SMCR8: variants seen among roughly 807,000 people sequenced by gnomAD.
SMCR8 encodes the protein guanine nucleotide exchange protein SMCR8.
Under a neutral mutation model 56.6 loss-of-function variants are expected in SMCR8, and 30 were observed. That is an observed-to-expected ratio of 0.53 (90% CI 0.40 to 0.72). SMCR8 has a LOEUF of 0.72. Among genes scored for constraint, SMCR8 ranks in the 30% least tolerant of loss-of-function variants. SMCR8 has a pLI of 0.00. For missense variants in SMCR8, 1,198 were observed against 1,157.0 expected (o/e 1.04, Z -0.51); for synonymous variants, 538 against 456.0 (o/e 1.18, Z -2.29).
rs1567757484 is a variant in SMCR8 at position 18,316,055 on chromosome 17, A to T, written c.266A>T (p.Tyr89Phe). The change falls in exon 1 of 2, where the codon TAC becomes TTC. Residue 89 changes from tyrosine to phenylalanine, a missense_variant. By Grantham distance (22) the Tyr-to-Phe change is conservative. Transcript: ENST00000406438. ...GTTTTTGGCACTTTTGATCTCAATT[A>T]CTTCTCCCTGCGTATCATGTCTGTG... is the stretch of plus-strand genomic sequence containing the variant. ...TKVFGTFDLNYFSLRIMSVDY... is the reference protein window; with the variant it reads ...TKVFGTFDLNFFSLRIMSVDY... 6.2e-7 allele frequency: 1 copy of T among 1,614,086 alleles called. No individual in the cohort carries two copies. The highest frequency in any genetic ancestry group is 8.5e-7 in the Non-Finnish European group (1 of 1,180,020).
rs1982538476 is a variant in SMCR8 at position 18,322,760 on chromosome 17, C to T, written c.2504C>T (p.Thr835Ile). Residue 835 changes from threonine to isoleucine, a missense_variant, in exon 2 of 2, where the codon ACA becomes ATA. Coordinates refer to ENST00000406438, the MANE Select transcript of SMCR8 (RefSeq NM_144775.3). ...GTGCCCCGCCTGGCAGACCACCGCA[C>T]ACAGATCAAGCGGGGCAGCACCTAC... ...TLVPRLADHR[T>I]QIKRGSTYYL... 1 of 1,614,238 alleles carries T rather than the reference C, an allele frequency of 6.2e-7. No homozygotes were observed. The highest frequency in any genetic ancestry group is 8.5e-7 in the Non-Finnish European group (1 of 1,180,028).
chr17:18,315,351 G>C lies in SMCR8; in HGVS notation c.-439G>C, dbSNP rs1340169467. 6.2e-6 allele frequency: 1 copy of C among 161,360 alleles called. No individual in the cohort carries two copies. The highest frequency in any genetic ancestry group is 1.4e-5 in the Non-Finnish European group (1 of 73,418). 10.0% of individuals were successfully genotyped at this position (161,360 alleles called of 1,614,324 possible). A position where few individuals can be genotyped will look rare whatever the true frequency, so the allele number is the denominator to read the frequency against. ...GGATCCGGGTTGTGGCGTCCTAGGA[G>C]CCGCGACGGTTTCTGCCCTCGGGCA... On this transcript the variant is annotated 5_prime_UTR_variant, in exon 1 of 2. Coordinates refer to ENST00000406438, the MANE Select transcript of SMCR8 (RefSeq NM_144775.3).
Position 18,317,006 on chromosome 17 carries a change from G to A in SMCR8, c.1217G>A (p.Cys406Tyr). Reference protein sequence around the residue: ...DRPPSSSLEECPIPKVLISVG... With the variant: ...DRPPSSSLEEYPIPKVLISVG... ...CCGCCTTCCAGTTCTCTAGAAGAAT[G>A]CCCAATTCCTAAAGTGTTAATTAGT... The change falls in exon 1 of 2, where the codon TGC (cysteine) becomes TAC (tyrosine). Residue 406 changes from cysteine (C) to tyrosine (Y), a missense_variant. Physicochemically the swap from Cys to Tyr is radical, Grantham distance 194. Coordinates refer to ENST00000406438, the MANE Select transcript of SMCR8 (RefSeq NM_144775.3). 4 of 1,614,224 alleles carry A rather than the reference G, an allele frequency of 2.5e-6. No homozygotes were observed. The highest frequency in any genetic ancestry group is 3.4e-6 in the Non-Finnish European group (4 of 1,180,044).
chr17:18,322,568 A>G (rs376039113), intron 1 of SMCR8, 49 bp from the exon 2 acceptor site: 11 of 1,568,254 alleles, frequency 7.0e-6, no homozygotes, highest in Non-Finnish European at 8.7e-6. Context: ...TTCTGCCTCC[A>G]CTTTCCCGGC....
chr17:18,316,727 A>G lies in SMCR8; in HGVS notation c.938A>G (p.Lys313Arg). Residue 313 changes from lysine to arginine, a missense_variant, in exon 1 of 2, where the codon AAG becomes AGG. By Grantham distance (26) the Lys-to-Arg change is conservative. Coordinates refer to ENST00000406438, the MANE Select transcript of SMCR8 (RefSeq NM_144775.3). ...TPKLIKAKST[K>R]CFDKKLKTLE... ...AAACTTATCAAAGCAAAGTCCACCA[A>G]GTGTTTTGACAAGAAGTTGAAGACC... 6 of 1,614,188 alleles carry G rather than the reference A, an allele frequency of 3.7e-6. No homozygotes were observed. Among genetic ancestry groups the G allele is most frequent in the Non-Finnish European group, 4.2e-6 (5 of 1,180,032 alleles).
At chr17:18,319,869 C>T (rs548236014) in intron 1 of SMCR8, among the ~76,000 whole-genome samples, 10 of 152,226 alleles carry the variant, frequency 6.6e-5, no homozygotes, top group South Asian at 2.1e-4. Flanking sequence ...TATAGGCGTG[C>T]GCCATCATGC....
At position 18,323,094 on chromosome 17, in the gene SMCR8, A is replaced by G; in HGVS notation, c.*24A>G. The G allele has an allele frequency of 1.3e-6, 2 of 1,586,574 alleles. No individual in the cohort carries two copies. Among genetic ancestry groups the G allele is most frequent in the Admixed American group, 1.7e-5 (1 of 58,882 alleles). On this transcript the variant is annotated 3_prime_UTR_variant, in exon 2 of 2. Coordinates refer to ENST00000406438, the MANE Select transcript of SMCR8 (RefSeq NM_144775.3). ...GAGGTCGGTCCCAGACACTGTGACC[A>G]AGACCTGTGACTCAGGGTATGGGGA...
rs745520764 is a variant in SMCR8, at chr17:18,322,903, C to T, written c.2647C>T (p.Arg883Cys). The T allele has an allele frequency of 3.8e-5, 62 of 1,614,080 alleles. No homozygotes were observed. Among genetic ancestry groups the T allele is most frequent in the Middle Eastern group, 1.6e-4 (1 of 6,084 alleles). ...DKETEELVAS[R>C]QMSFLKLTLG... ...GGAGACAGAGGAGCTGGTAGCCAGCCGCCAGATGAGCTTCCTAAAGCTGAC... is the reference window on the plus strand; with the variant it reads ...GGAGACAGAGGAGCTGGTAGCCAGCTGCCAGATGAGCTTCCTAAAGCTGAC... The change falls in exon 2 of 2, where the codon CGC becomes TGC. Residue 883 changes from arginine to cysteine, a missense_variant. By Grantham distance (180) the Arg-to-Cys change is radical (BLOSUM62 -3). Coordinates refer to ENST00000406438, the MANE Select transcript of SMCR8 (RefSeq NM_144775.3).
In SMCR8 at chr17:18,315,972, C is replaced by G; in HGVS notation, c.183C>G (p.Ser61=). Residue 61 remains serine, a synonymous_variant, in exon 1 of 2, where the codon TCC becomes TCG. Transcript: ENST00000406438. ...TTTCGAGGGACTTCATTCTTATTTC[C>G]GAGTTCTCTGAGCAGGTGGGACCCC... ...AKFSRDFILI[S]EFSEQVGPQP... 6.2e-7 allele frequency: 1 copy of G among 1,614,098 alleles called. No individual in the cohort carries two copies. Among genetic ancestry groups the G allele is most frequent in the African/African-American group, 1.3e-5 (1 of 75,006 alleles).
rs768153817 is a variant in SMCR8 at position 18,322,614 on chromosome 17, C to T, written c.2361-3C>T. The T allele has an allele frequency of 4.3e-6, 7 of 1,611,926 alleles. No individual in the cohort carries two copies. The highest frequency in any genetic ancestry group is 1.6e-4 in the Middle Eastern group (1 of 6,070). On this transcript the variant is annotated splice_region_variant and splice_polypyrimidine_tract_variant and intron_variant, in intron 1 of 1. Transcript: ENST00000406438. ...CCTCCTGACCTTGGCCTGTCTGTTT[C>T]AGAGTGGCCTCCCCTGCCGGTGCCG...
In SMCR8 at chr17:18,323,012, G is replaced by A. The variant is rs760777106; in HGVS notation, c.2756G>A (p.Gly919Glu). Residue 919 changes from glycine (G) to glutamate (E), a missense_variant, in exon 2 of 2, where the codon GGG (glycine) becomes GAG (glutamate). Transcript: ENST00000406438. ...LKLHYMQESP[G>E]TSHPMLRFDY... Reference sequence around the variant, plus strand: ...CTGCACTACATGCAGGAATCTCCAGGGACCAGCCACCCCATGCTCAGGTTT... The same window carrying A: ...CTGCACTACATGCAGGAATCTCCAGAGACCAGCCACCCCATGCTCAGGTTT... The A allele has an allele frequency of 1.2e-6, 2 of 1,614,144 alleles. No homozygotes were observed. The highest frequency in any genetic ancestry group is 1.7e-6 in the Non-Finnish European group (2 of 1,180,028).
chr17:18,318,276 T>A (rs1435260270), intron 1 of SMCR8, 127 bp downstream of exon 1: 1 of 899,338 alleles, frequency 1.1e-6, no homozygotes, highest in Non-Finnish European at 1.7e-6. Flanking sequence ...GTGTTACTTT[T>A]GGCAAGTCAT....
intron 1 of SMCR8, 130 bp downstream of exon 1, chr17:18,318,279 C>A: frequency 2.3e-6 from 2 of 862,342 alleles, no homozygotes; most frequent in Non-Finnish European, 3.6e-6. Flanking sequence ...TTACTTTTGG[C>A]AAGTCATCCC....
At position 18,317,219 on chromosome 17, in the gene SMCR8, C is replaced by T. The variant is rs571482412; in HGVS notation, c.1430C>T (p.Thr477Met). Residue 477 changes from threonine to methionine, a missense_variant, in exon 1 of 2, where the codon ACG (threonine) becomes ATG (methionine). Transcript: ENST00000406438. The stretch of plus-strand genomic sequence containing the variant: ...GGTGAAAGTATTGAAGTTTTGGGCA[C>T]GGAGAAATCCACCTCCGTGCTTTCT... The part of the protein sequence containing the change: ...SSGESIEVLG[T>M]EKSTSVLSKS... 38 of 1,614,082 alleles carry T rather than the reference C, an allele frequency of 2.4e-5. No individual in the cohort carries two copies. The highest frequency in any genetic ancestry group is 1.6e-4 in the Middle Eastern group (1 of 6,062).
chr17:18,328,017 A>G lies in SMCR8; in HGVS notation c.*4947A>G, dbSNP rs1341365688. The G allele has an allele frequency of 1.3e-5, 2 of 152,626 alleles. No individual in the cohort carries two copies. Among genetic ancestry groups the G allele is most frequent in the Non-Finnish European group, 1.5e-5 (1 of 68,058 alleles). 9.5% of individuals were successfully genotyped at this position (152,626 alleles called of 1,614,324 possible). ...TTAAAAATGGTCATCTATGTTTTGC[A>G]CTTCAGCTACGTGAAAATAAAATTT... On this transcript the variant is annotated 3_prime_UTR_variant, in exon 2 of 2. Coordinates refer to ENST00000406438, the MANE Select transcript of SMCR8 (RefSeq NM_144775.3).
rs868853870 is a variant in SMCR8 at position 18,317,259 on chromosome 17, G to A, written c.1470G>A (p.Gln490=). 1 of 1,614,090 alleles carries A rather than the reference G, an allele frequency of 6.2e-7. No homozygotes were observed. Among genetic ancestry groups the A allele is most frequent in the Non-Finnish European group, 8.5e-7 (1 of 1,180,044 alleles). The part of the protein sequence containing the change: ...STSVLSKSDS[Q]ASLTVPLSPQ... ...CCGTGCTTTCTAAATCTGACAGCCA[G>A]GCAAGCCTCACAGTACCATTGAGCC... Residue 490 remains glutamine, a synonymous_variant, in exon 1 of 2, where the codon CAG becomes CAA. Coordinates refer to ENST00000406438, the MANE Select transcript of SMCR8 (RefSeq NM_144775.3).
At position 18,326,756 on chromosome 17, in the gene SMCR8, G is replaced by A. The variant is rs961630683; in HGVS notation, c.*3686G>A. 6.6e-6 allele frequency: 1 copy of A among 152,326 alleles called. No homozygotes were observed. Among genetic ancestry groups the A allele is most frequent in the African/African-American group, 2.4e-5 (1 of 41,484 alleles). The allele number at this position is 152,326 out of a possible 1,614,324, so 9.4% of individuals were successfully genotyped here. A position where few individuals can be genotyped will look rare whatever the true frequency, so the allele number is the denominator to read the frequency against. On this transcript the variant is annotated 3_prime_UTR_variant, in exon 2 of 2. Coordinates refer to ENST00000406438, the MANE Select transcript of SMCR8 (RefSeq NM_144775.3). ...CCTCTGCTCACTGAATGTCTTGCATGTGCTGACTGCTGCCCGCAGTGCTGA... is the reference window on the plus strand; with the variant it reads ...CCTCTGCTCACTGAATGTCTTGCATATGCTGACTGCTGCCCGCAGTGCTGA...
At position 18,324,302 on chromosome 17, in the gene SMCR8, G is replaced by T. The variant is rs1003343633; in HGVS notation, c.*1232G>T. On this transcript the variant is annotated 3_prime_UTR_variant, in exon 2 of 2. Coordinates refer to ENST00000406438, the MANE Select transcript of SMCR8 (RefSeq NM_144775.3). ...GAGTCCCCCTTCTGAGGACAAGTTT[G>T]AAACTGGGAAGGAGACACCCCCTGG... 3.3e-5 allele frequency: 5 copies of T among 152,256 alleles called. No homozygotes were observed. Among genetic ancestry groups the T allele is most frequent in the African/African-American group, 1.2e-4 (5 of 41,438 alleles). 9.4% of individuals were successfully genotyped at this position (152,256 alleles called of 1,614,324 possible).
At position 18,316,657 on chromosome 17, in the gene SMCR8, T is replaced by C. The variant is rs1432481765; in HGVS notation, c.868T>C (p.Ser290Pro). Residue 290 changes from serine to proline, a missense_variant, in exon 1 of 2, where the codon TCT (serine) becomes CCT (proline). By Grantham distance (74) the Ser-to-Pro change is moderately conservative. Transcript: ENST00000406438. ...QASTTSNPDE[S>P]ADTDLYTCRP... ...ATCCACTACCTCTAACCCTGATGAG[T>C]CTGCCGACACAGACCTTTACACCTG... The C allele has an allele frequency of 1.2e-6, 2 of 1,614,054 alleles. No homozygotes were observed. The highest frequency in any genetic ancestry group is 4.5e-5 in the East Asian group (2 of 44,874).
Sources: allele counts gnomAD v4.1 joint callset (sites outside exome capture counted in the v4.1 genomes callset), GRCh38; gene constraint gnomAD v4.1.1; transcripts MANE v1.5; gene names NCBI Gene and HGNC (gene_info 2026-07-23, HGNC 2026-07-21).